Variants in ASH1L observed in about 807,000 individuals in gnomAD.
ASH1L encodes ASH1 like histone lysine methyltransferase, also known as histone-lysine N-methyltransferase ASH1L.
Under a neutral mutation model 269.0 loss-of-function variants are expected in ASH1L, and 23 were observed. The ratio of observed to expected loss-of-function variants is 0.09; its 90% confidence interval spans 0.06 to 0.12. The LOEUF (loss-of-function observed/expected upper bound fraction) is 0.12, where lower values mean the gene tolerates loss of function less well. Among genes scored for constraint, ASH1L ranks in the 10% least tolerant of loss-of-function variants. ASH1L has a pLI of 1.00. For missense variants in ASH1L, 2,912 were observed against 3,567.8 expected (o/e 0.82, Z 4.68); for synonymous variants, 1,187 against 1,253.5 (o/e 0.95, Z 1.12).
chr1:155,451,716 GA>G (rs543331226), intron 4 of ASH1L, among the ~76,000 whole-genome samples: 11 of 146,378 alleles, frequency 7.5e-5, no homozygotes, highest in South Asian at 2.1e-4. Context: ...GCGAGACTCT[GA>G]AAAAAAAAAA....
In ASH1L at chr1:155,562,700, C is replaced by T. The variant is rs1305813799; in HGVS notation, c.-647G>A. 2.0e-6 allele frequency: 3 copies of T among 1,495,256 alleles called. No individual in the cohort carries two copies. The highest frequency in any genetic ancestry group is 1.8e-6 in the Non-Finnish European group (2 of 1,113,634). 92.6% of individuals were successfully genotyped at this position (1,495,256 alleles called of 1,614,324 possible). A position where few individuals can be genotyped will look rare whatever the true frequency, so the allele number is the denominator to read the frequency against. ...GCCAGCCAGCCCGTACGCGCTCACCCACAGGAACCCCCTCGTCCAGTCCCT... is the reference window on the plus strand; with the variant it reads ...GCCAGCCAGCCCGTACGCGCTCACCTACAGGAACCCCCTCGTCCAGTCCCT... On this transcript the variant is annotated 5_prime_UTR_variant, in exon 1 of 28. Coordinates refer to ENST00000392403, the MANE Select transcript of ASH1L (RefSeq NM_018489.3).
At chr1:155,489,885 T>A (rs549563975) in intron 2 of ASH1L, among the ~76,000 whole-genome samples, 1 of 152,260 alleles carries the variant, frequency 6.6e-6, no homozygotes, top group East Asian at 1.9e-4. Flanking sequence ...ACTTGTTCAA[T>A]TACTTCCTTC....
Position 155,336,439 on chromosome 1 carries a change from C to T in ASH1L, c.*1221G>A, listed in dbSNP as rs1317312165. 6.6e-6 allele frequency: 1 copy of T among 151,806 alleles called. No individual in the cohort carries two copies. The highest frequency in any genetic ancestry group is 1.5e-5 in the Non-Finnish European group (1 of 67,874). The allele number at this position is 151,806 out of a possible 1,614,324, so 9.4% of individuals were successfully genotyped here. A position where few individuals can be genotyped will look rare whatever the true frequency, so the allele number is the denominator to read the frequency against. ...CACACAACTTGGCACATTTAAAAAC[C>T]ATCTTTTCTCTTATAAGAACATCTA... On this transcript the variant is annotated 3_prime_UTR_variant, in exon 28 of 28. Coordinates refer to ENST00000392403, the MANE Select transcript of ASH1L (RefSeq NM_018489.3).
intron 6 of ASH1L, among the ~76,000 whole-genome samples, chr1:155,401,331 A>T (rs1387472743): frequency 6.6e-6 from 1 of 151,928 alleles, no homozygotes; most frequent in African/African-American, 2.4e-5. Context: ...ACAAAAAATT[A>T]GCCAGGCATG....
chr1:155,395,839 AAAAAAAAAGAAAG>A (rs1658299895), intron 6 of ASH1L, among the ~76,000 whole-genome samples: 1 of 151,180 alleles, frequency 6.6e-6, no homozygotes, highest in Non-Finnish European at 1.5e-5. Context: ...CTCTACTTTT[AAAAAAAAAGAAAG>A]AAAAGAAAGA....
chr1:155,445,186 A>T (rs1662914096), intron 4 of ASH1L, among the ~76,000 whole-genome samples: 1 of 152,144 alleles, frequency 6.6e-6, no homozygotes, highest in South Asian at 2.1e-4. Flanking sequence ...ACATTTGTCA[A>T]AAATCAATTG....
intron 21 of ASH1L, among the ~76,000 whole-genome samples, chr1:155,345,550 G>A (rs1653213676): frequency 6.6e-6 from 1 of 150,438 alleles, no homozygotes; most frequent in African/African-American, 2.4e-5. Context: ...TGGGATTATA[G>A]GTGTGAGCCA....
At chr1:155,537,301 A>G (rs948881560) in intron 1 of ASH1L, among the ~76,000 whole-genome samples, 1 of 152,178 alleles carries the variant, frequency 6.6e-6, no homozygotes, top group Non-Finnish European at 1.5e-5. Context: ...ACAAACAAGA[A>G]GAGTATTTGG....
intron 25 of ASH1L, among the ~76,000 whole-genome samples, chr1:155,339,666 C>A (rs981910349): frequency 6.6e-6 from 1 of 151,970 alleles, no homozygotes; most frequent in African/African-American, 2.4e-5. Flanking sequence ...AGAAATATGT[C>A]ATCACGTGAT....
chr1:155,526,228 G>C (rs1669243033), intron 1 of ASH1L, among the ~76,000 whole-genome samples: 1 of 152,142 alleles, frequency 6.6e-6, no homozygotes, highest in Non-Finnish European at 1.5e-5. Flanking sequence ...ATAAATGAAT[G>C]AGTGAATTTT....
intron 2 of ASH1L, among the ~76,000 whole-genome samples, chr1:155,519,977 A>C (rs921741195): frequency 2.0e-5 from 3 of 152,152 alleles, no homozygotes; most frequent in African/African-American, 7.2e-5. Context: ...CGATATTACC[A>C]GTCGCTGCAG....
intron 2 of ASH1L, among the ~76,000 whole-genome samples, chr1:155,507,147 G>A (rs1031840603): frequency 6.6e-6 from 1 of 152,038 alleles, no homozygotes; most frequent in Non-Finnish European, 1.5e-5. Context: ...AGACATGGTG[G>A]TGCGTGCCTG....
chr1:155,481,739 A>G lies in ASH1L; in HGVS notation c.1131T>C (p.Gly377=), dbSNP rs1665978519. 1.2e-6 allele frequency: 2 copies of G among 1,614,064 alleles called. No individual in the cohort carries two copies. Among genetic ancestry groups the G allele is most frequent in the Admixed American group, 1.7e-5 (1 of 59,994 alleles). The change falls in exon 3 of 28, where the codon GGT becomes GGC. Residue 377 remains glycine, a synonymous_variant. Transcript: ENST00000392403. ...LVNKDLGKKL[G]STVGLVAKDC... Reference sequence around the variant, plus strand: ...CCTTGGCCACTAGGCCAACAGTAGAACCCAATTTCTTTCCCAAATCTTTAT... The same window carrying G: ...CCTTGGCCACTAGGCCAACAGTAGAGCCCAATTTCTTTCCCAAATCTTTAT...
Position 155,438,737 on chromosome 1 carries a change from T to C in ASH1L, c.5418A>G (p.Gln1806=). ...TGTCGTAATTGCACATTTTCCGAGCTTGGCGTTGCATAGCTTCCACTACAC... is the reference window on the plus strand; with the variant it reads ...TGTCGTAATTGCACATTTTCCGAGCCTGGCGTTGCATAGCTTCCACTACAC... The part of the protein sequence containing the change: ...KRSVVEAMQR[Q]ARKMCNYDKI... The change falls in exon 5 of 28, where the codon CAA becomes CAG. Residue 1806 remains glutamine, a synonymous_variant. Transcript: ENST00000392403. The C allele has an allele frequency of 6.2e-7, 1 of 1,614,134 alleles. No individual in the cohort carries two copies. Among genetic ancestry groups the C allele is most frequent in the Non-Finnish European group, 8.5e-7 (1 of 1,180,026 alleles).
At chr1:155,464,752 ACT>A (rs1189949182) in intron 3 of ASH1L, among the ~76,000 whole-genome samples, 2 of 152,110 alleles carry the variant, frequency 1.3e-5, no homozygotes, top group African/African-American at 2.4e-5. Flanking sequence ...TTAATTATAG[ACT>A]CTCTGGATTT....
intron 4 of ASH1L, among the ~76,000 whole-genome samples, chr1:155,445,003 A>G (rs1355568224): frequency 6.6e-6 from 1 of 152,002 alleles, no homozygotes; most frequent in Non-Finnish European, 1.5e-5. Flanking sequence ...ATTTTTTCCT[A>G]TTCTTCTAAA....
intron 6 of ASH1L, among the ~76,000 whole-genome samples, chr1:155,410,026 G>A (rs968937831): frequency 5.3e-5 from 8 of 151,778 alleles, no homozygotes; most frequent in South Asian, 2.1e-4. Context: ...TTAGCCAGGC[G>A]TGGTGGTGGG....
rs761834767 is a variant in ASH1L, at chr1:155,478,703, T to A, written c.4167A>T (p.Ser1389=). Residue 1389 remains serine, a synonymous_variant, in exon 3 of 28, where the codon TCA becomes TCT. Transcript: ENST00000392403. This position sits in a 1 kb window ranked among gnomAD's most constrained non-coding sequence, Gnocchi z 4.6. Reference sequence around the variant, plus strand: ...ATCCTATGGGAGCAGCTGTAAGGGGTGAAGGAGAGTAAGGCATACCATAAG... The same window carrying A: ...ATCCTATGGGAGCAGCTGTAAGGGGAGAAGGAGAGTAAGGCATACCATAAG... ...YPSYGMPYSP[S]PLTAAPIGLG... 14 of 1,613,728 alleles carry A rather than the reference T, an allele frequency of 8.7e-6. No individual in the cohort carries two copies. Among genetic ancestry groups the A allele is most frequent in the South Asian group, 1.1e-5 (1 of 91,064 alleles).
chr1:155,358,642 C>G (rs1252308131), intron 13 of ASH1L: 4 of 150,816 alleles, frequency 2.7e-5, no homozygotes, highest in African/African-American at 9.8e-5. Context: ...AAGCCGAGAT[C>G]ACGCCACTGC....
Sources: gnomAD v4.1 joint callset for allele counts (sites outside exome capture counted in the v4.1 genomes callset) on GRCh38, gnomAD v4.1.1 for gene constraint, Gnocchi (gnomAD v3.1) non-coding constraint, MANE v1.5 for transcripts, NCBI Gene and HGNC (gene_info 2026-07-23, HGNC 2026-07-21) for gene names.